The following PLEKHA5 variants were observed in gnomAD, a reference collection of about 807,000 sequenced individuals.
PLEKHA5 encodes pleckstrin homology domain containing A5, also known as pleckstrin homology domain-containing family A member 5.
A neutral mutation model predicts 181.9 loss-of-function variants in PLEKHA5; 55 were observed. The ratio of observed to expected loss-of-function variants is 0.30; its 90% CI spans 0.24 to 0.38. The LOEUF is 0.38. Among genes scored for constraint, PLEKHA5 ranks in the 10% least tolerant of loss-of-function variants. PLEKHA5 has a pLI of 1.00. For synonymous variants in PLEKHA5, 535 were observed against 529.4 expected, an observed-to-expected ratio of 1.01 and a Z score of -0.15; for missense variants, 1,432 against 1,549.5, an observed-to-expected ratio of 0.92 and a Z score of 1.27.
intron 13 of PLEKHA5, chr12:19,288,017 G>A (rs2077576403): frequency 4.3e-6 from 1 of 234,916 alleles, no homozygotes; most frequent in Non-Finnish European, 8.3e-6. Flanking sequence ...GGTGGAGTTT[G>A]CAGTGAGCCG....
intron 15 of PLEKHA5, among the ~76,000 whole-genome samples, chr12:19,297,081 C>T (rs998137141): frequency 1.3e-5 from 2 of 151,974 alleles, no homozygotes; most frequent in Admixed American, 1.3e-4. Flanking sequence ...ACTGTGACTA[C>T]GAAGTATGTA....
At chr12:19,169,373 C>A (rs1042448108) in intron 3 of PLEKHA5, among the ~76,000 whole-genome samples, 2 of 152,152 alleles carry the variant, frequency 1.3e-5, no homozygotes, top group Admixed American at 1.3e-4. Context: ...AGCCCTTTCT[C>A]CCTGCCTAGT....
At chr12:19,241,778 G>A (rs2062661915) in intron 3 of PLEKHA5, among the ~76,000 whole-genome samples, 1 of 150,670 alleles carries the variant, frequency 6.6e-6, no homozygotes. Flanking sequence ...AAAAAGAAAA[G>A]AAAAATAAAT....
intron 3 of PLEKHA5, among the ~76,000 whole-genome samples, chr12:19,166,218 A>T (rs1197750652): frequency 6.6e-6 from 1 of 152,174 alleles, no homozygotes; most frequent in Non-Finnish European, 1.5e-5. Flanking sequence ...AAAGTTTTAA[A>T]TTAGAGCAGG....
chr12:19,287,327 A>T, intron 12 of PLEKHA5, 146 bp from the exon 13 acceptor site: 1 of 669,554 alleles, frequency 1.5e-6, no homozygotes, highest in South Asian at 1.7e-5. Context: ...TTATGTCAAG[A>T]AATGTTAGTC....
chr12:19,274,859 C>T lies in PLEKHA5; in HGVS notation c.1189C>T (p.Arg397Cys), dbSNP rs778048527. The T allele has an allele frequency of 1.5e-5, 24 of 1,613,930 alleles. No homozygotes were observed. The highest frequency in any genetic ancestry group is 4.4e-5 in the South Asian group (4 of 91,072). Reference protein sequence around the residue: ...VSLADLRGGNRPNTGPLYTEA... With the variant: ...VSLADLRGGNCPNTGPLYTEA... ...CCTGGCAGATCTTAGAGGTGGAAAT[C>T]GCCCCAATACAGGGCCCTTATACAC... Residue 397 changes from arginine (R) to cysteine (C), a missense_variant, in exon 11 of 32, where the codon CGC (arginine) becomes TGC (cysteine). Coordinates refer to ENST00000429027, the MANE Select transcript of PLEKHA5 (RefSeq NM_001256470.2).
chr12:19,262,709 A>C (rs527283001), intron 7 of PLEKHA5, among the ~76,000 whole-genome samples: 1 of 152,308 alleles, frequency 6.6e-6, no homozygotes, highest in Admixed American at 6.5e-5. Flanking sequence ...GGATATAAAG[A>C]TGAGAACAGT....
Position 19,345,864 on chromosome 12 carries a change from C to G in PLEKHA5, c.2685C>G (p.Phe895Leu), listed in dbSNP as rs1485622723. 1 of 1,489,450 alleles carries G rather than the reference C, an allele frequency of 6.7e-7. No individual in the cohort carries two copies. The highest frequency in any genetic ancestry group is 2.3e-5 in the East Asian group (1 of 43,930). The allele number at this position is 1,489,450 out of a possible 1,614,324, so 92.3% of individuals were successfully genotyped here. Residue 895 changes from phenylalanine (F) to leucine (L), a missense_variant, in exon 23 of 32, where the codon TTC (phenylalanine) becomes TTG (leucine). Phe to Leu is a conservative substitution (Grantham distance 22). Coordinates refer to ENST00000429027, the MANE Select transcript of PLEKHA5 (RefSeq NM_001256470.2). ...CAGGTATGATAGGATCAAAGCCTTTCTCAACAGTTAAGTACAAAAATGAGG... is the reference window on the plus strand; with the variant it reads ...CAGGTATGATAGGATCAAAGCCTTTGTCAACAGTTAAGTACAAAAATGAGG... ...TEIGMIGSKP[F>L]STVKYKNEEE... is the part of the protein sequence containing the mutation.
intron 3 of PLEKHA5, among the ~76,000 whole-genome samples, chr12:19,231,352 T>C (rs1456407795): frequency 5.9e-5 from 9 of 152,026 alleles, no homozygotes; most frequent in Non-Finnish European, 1.3e-4. Context: ...TTAGATTTTA[T>C]TTCCTTTAGA....
chr12:19,154,943 C>T (rs1307473131), intron 3 of PLEKHA5, among the ~76,000 whole-genome samples: 1 of 152,102 alleles, frequency 6.6e-6, no homozygotes, highest in Non-Finnish European at 1.5e-5. Context: ...AGAAACCTTT[C>T]TGTATGTGTC....
chr12:19,305,669 A>T (rs2083099920), intron 15 of PLEKHA5, among the ~76,000 whole-genome samples: 1 of 151,702 alleles, frequency 6.6e-6, no homozygotes, highest in Non-Finnish European at 1.5e-5. Context: ...GACCAGCCTG[A>T]CTACCGTGGA....
At position 19,306,143 on chromosome 12, in the gene PLEKHA5, A is replaced by G. The variant is rs1250280340; in HGVS notation, c.2038-8671A>G. 5.9e-5 allele frequency among the ~76,000 whole-genome samples: 9 copies of G among 152,170 alleles called. No individual in the cohort carries two copies. The East Asian group carries it at 1.7e-3, about 29-fold the overall frequency. On this transcript the variant is annotated intron_variant, in intron 15 of 31. Transcript: ENST00000429027. The stretch of plus-strand genomic sequence containing the variant: ...CAAAACTGCTGAAGAGGCCAGGATT[A>G]AGTATCAGATTTTCTAGATAGTTTT...
At chr12:19,162,217 T>A (rs2043121660) in intron 3 of PLEKHA5, among the ~76,000 whole-genome samples, 1 of 152,166 alleles carries the variant, frequency 6.6e-6, no homozygotes, top group Non-Finnish European at 1.5e-5. Flanking sequence ...TTAGGGGCTG[T>A]CTTCATCTAA....
At chr12:19,219,240 G>A (rs2058551979) in intron 3 of PLEKHA5, among the ~76,000 whole-genome samples, 1 of 152,098 alleles carries the variant, frequency 6.6e-6, no homozygotes, top group Non-Finnish European at 1.5e-5. Context: ...TTTGGATATA[G>A]GCAGGTGGTC....
intron 3 of PLEKHA5, among the ~76,000 whole-genome samples, chr12:19,221,389 A>G (rs1331332625): frequency 2.0e-5 from 3 of 152,206 alleles, no homozygotes; most frequent in Non-Finnish European, 4.4e-5. Context: ...AAAGAAGGCA[A>G]TGTAAAAAGT....
At position 19,313,048 on chromosome 12, in the gene PLEKHA5, G is replaced by A. The variant is rs535834019; in HGVS notation, c.2038-1766G>A. Among the ~76,000 whole-genome samples, 20 of 152,204 alleles carry A rather than the reference G, an allele frequency of 1.3e-4. No homozygotes were observed. In the East Asian group the frequency reaches 3.3e-3, roughly 25 times the overall value. ...AGGAAAGGAAGAGAGATGGGATAAC[G>A]GCTGGTCAGTGAAACAGAACACACA... On this transcript the variant is annotated intron_variant, in intron 15 of 31. Transcript: ENST00000429027.
In PLEKHA5 at chr12:19,257,957, C is replaced by T. The variant is rs550807927; in HGVS notation, c.537+420C>T. Reference sequence around the variant, plus strand: ...CAGTTGTATATTTCCCCCCTTTATACAGAAATTTTACAATAATTTCAGATT... The same window carrying T: ...CAGTTGTATATTTCCCCCCTTTATATAGAAATTTTACAATAATTTCAGATT... On this transcript the variant is annotated intron_variant, in intron 6 of 31. Transcript: ENST00000429027. Among the ~76,000 whole-genome samples the T allele has an allele frequency of 3.6e-4, 54 of 152,088 alleles. No individual in the cohort carries two copies. The East Asian group carries it at 8.1e-3, about 23-fold the overall frequency.
In PLEKHA5 at chr12:19,282,143, G is replaced by T. The variant is rs193287937; in HGVS notation, c.1314-1137G>T. Reference sequence around the variant, plus strand: ...TATTCTTTCATTTTTGGAAATGGTAGTATTCTGTGCTTAGTAATATGCAAT... The same window carrying T: ...TATTCTTTCATTTTTGGAAATGGTATTATTCTGTGCTTAGTAATATGCAAT... On this transcript the variant is annotated intron_variant, in intron 11 of 31. Transcript: ENST00000429027. Among the ~76,000 whole-genome samples, 4 of 152,236 alleles carry T rather than the reference G, an allele frequency of 2.6e-5. No individual in the cohort carries two copies. In the East Asian group the frequency reaches 7.7e-4, roughly 29 times the overall value.
intron 26 of PLEKHA5, 117 bp from the exon 27 acceptor site, chr12:19,358,111 C>G: frequency 1.4e-6 from 1 of 705,700 alleles, no homozygotes; most frequent in Non-Finnish European, 2.3e-6. Context: ...ACATTCAAAA[C>G]CTCTTCTTGT....
Sources: allele counts gnomAD v4.1 joint callset (sites outside exome capture counted in the v4.1 genomes callset), GRCh38; gene constraint gnomAD v4.1.1; transcripts MANE v1.5; gene names NCBI Gene and HGNC (gene_info 2026-07-23, HGNC 2026-07-21).